PRKCA: variants seen among roughly 807,000 people sequenced by gnomAD.
The protein encoded by PRKCA is protein kinase C alpha type.
In PRKCA, 27 loss-of-function variants were observed where a neutral mutation model predicts 87.0. That is an observed-to-expected ratio of 0.31 (90% CI 0.23 to 0.43). The LOEUF (loss-of-function observed/expected upper bound fraction) is 0.43. Ranked by LOEUF, PRKCA falls within the 20% of genes least tolerant of loss-of-function variation. PRKCA has a pLI of 1.00. For synonymous variants in PRKCA, 329 were observed against 311.1 expected (o/e 1.06, Z -0.61); for missense variants, 518 against 852.3 (o/e 0.61, Z 4.88).
In PRKCA at chr17:66,585,071, G is replaced by C. The variant is rs553294719; in HGVS notation, c.289-56284G>C. On this transcript the variant is annotated intron_variant, in intron 3 of 16. Coordinates refer to ENST00000413366, the MANE Select transcript of PRKCA (RefSeq NM_002737.3). ...CCATGGTGAAATGCATGGGGAGGGG[G>C]GGGTGGTGGTTAATAGATGAGCGTG... 7.6e-4 allele frequency among the ~76,000 whole-genome samples: 116 copies of C among 151,988 alleles called. 1 individual carries two copies. The highest frequency in any genetic ancestry group is 2.6e-3 in the African/African-American group (109 of 41,456).
At chr17:66,463,044 T>G (rs1223431925) in intron 2 of PRKCA, among the ~76,000 whole-genome samples, 1 of 152,130 alleles carries the variant, frequency 6.6e-6, no homozygotes, top group East Asian at 1.9e-4. Flanking sequence ...CCAGAGAGGT[T>G]GGCTTACCCG....
Position 66,788,943 on chromosome 17 carries a change from G to A in PRKCA, c.1818G>A (p.Glu606=). The change falls in exon 16 of 17, where the codon GAG becomes GAA. Residue 606 remains glutamate (E), a synonymous_variant. Transcript: ENST00000413366. The part of the protein sequence containing the change: ...FFRRIDWEKL[E]NREIQPPFKP... The stretch of plus-strand genomic sequence containing the variant: ...GGAGGATCGACTGGGAAAAACTGGA[G>A]AACAGGGAGATCCAGCCACCATTCA... 6.2e-6 allele frequency: 10 copies of A among 1,614,182 alleles called. No individual in the cohort carries two copies. Among genetic ancestry groups the A allele is most frequent in the Non-Finnish European group, 8.5e-6 (10 of 1,180,016 alleles).
intron 2 of PRKCA, among the ~76,000 whole-genome samples, chr17:66,406,235 A>G (rs73333315): frequency 0.016 from 2,490 of 152,296 alleles, 72 homozygotes; most frequent in African/African-American, 0.056. Flanking sequence ...CTCCCATTAA[A>G]GAACGGGGTG....
intron 2 of PRKCA, among the ~76,000 whole-genome samples, chr17:66,466,408 C>T (rs772526456): frequency 3.3e-5 from 5 of 152,158 alleles, no homozygotes; most frequent in Non-Finnish European, 7.4e-5. Context: ...TCACAAGCCA[C>T]GGGCCTTGGG....
At chr17:66,556,250 A>T (rs1281500891) in intron 3 of PRKCA, among the ~76,000 whole-genome samples, 1 of 151,138 alleles carries the variant, frequency 6.6e-6, no homozygotes, top group Non-Finnish European at 1.5e-5. Context: ...TAAAATATGC[A>T]TTTGTACCTG....
intron 5 of PRKCA, among the ~76,000 whole-genome samples, chr17:66,662,862 C>T (rs1180847001): frequency 6.6e-6 from 1 of 152,160 alleles, no homozygotes; most frequent in Non-Finnish European, 1.5e-5. Flanking sequence ...GTTCCAGAGA[C>T]AGATACTGAT....
intron 2 of PRKCA, among the ~76,000 whole-genome samples, chr17:66,327,366 C>CAA (rs769256839): frequency 7.5e-4 from 60 of 79,960 alleles, no homozygotes; most frequent in African/African-American, 3.1e-3. Context: ...AACTCTGTCT[C>CAA]AAAAAAAAAA....
intron 3 of PRKCA, among the ~76,000 whole-genome samples, chr17:66,596,024 C>G (rs774456961): frequency 6.6e-6 from 1 of 152,096 alleles, no homozygotes; most frequent in Non-Finnish European, 1.5e-5. Flanking sequence ...GGTGGTGGGT[C>G]GCCTCAGGCC....
At chr17:66,565,852 G>A (rs1317327179) in intron 3 of PRKCA, among the ~76,000 whole-genome samples, 3 of 152,014 alleles carry the variant, frequency 2.0e-5, no homozygotes, top group Non-Finnish European at 4.4e-5. Flanking sequence ...TACCCACTAT[G>A]TATATTCATT....
intron 8 of PRKCA, among the ~76,000 whole-genome samples, chr17:66,731,250 A>G (rs1033009775): frequency 2.0e-4 from 31 of 151,682 alleles, no homozygotes; most frequent in African/African-American, 7.5e-4. Context: ...AGGCTGAGGC[A>G]GGAGAATCGC....
intron 3 of PRKCA, among the ~76,000 whole-genome samples, chr17:66,522,326 T>G (rs1452375645): frequency 6.6e-6 from 1 of 152,216 alleles, no homozygotes; most frequent in Non-Finnish European, 1.5e-5. Context: ...TCTTGCAGTT[T>G]CTATGTTTAT....
intron 14 of PRKCA, among the ~76,000 whole-genome samples, chr17:66,786,045 G>A (rs1205646674): frequency 6.6e-6 from 1 of 152,170 alleles, no homozygotes; most frequent in African/African-American, 2.4e-5. Context: ...AGCCAGGATG[G>A]TCTCGATCAC....
chr17:66,782,387 C>A (rs1189490005), intron 14 of PRKCA, among the ~76,000 whole-genome samples: 1 of 152,110 alleles, frequency 6.6e-6, no homozygotes, highest in Admixed American at 6.5e-5. Context: ...GGAGGAGGCA[C>A]TTAACTACTC....
At chr17:66,760,090 A>C (rs888975155) in intron 13 of PRKCA, among the ~76,000 whole-genome samples, 1 of 152,238 alleles carries the variant, frequency 6.6e-6, no homozygotes, top group Non-Finnish European at 1.5e-5. Flanking sequence ...TTCATCCAAC[A>C]ACAGCAGAAT....
At chr17:66,483,202 C>T (rs1915857820) in intron 2 of PRKCA, among the ~76,000 whole-genome samples, 1 of 152,126 alleles carries the variant, frequency 6.6e-6, no homozygotes, top group Admixed American at 6.6e-5. Context: ...AACAAATTAC[C>T]ACAAACCGGG....
rs138497041 is a variant in PRKCA at position 66,638,365 on chromosome 17, T to C, written c.289-2990T>C. ...ATCACGTGCAAATATGTGAACTGTT[T>C]CATATAAAAAAAAATCTGAGGTCTG... On this transcript the variant is annotated intron_variant, in intron 3 of 16. Coordinates refer to ENST00000413366, the MANE Select transcript of PRKCA (RefSeq NM_002737.3). 2.0e-5 allele frequency: 3 copies of C among 152,116 alleles called. No individual in the cohort carries two copies. In the East Asian group the frequency reaches 5.8e-4, roughly 29 times the overall value. The allele number at this position is 152,116 out of a possible 1,614,324, so 9.4% of individuals were successfully genotyped here.
chr17:66,377,587 A>G (rs1046265708), intron 2 of PRKCA, among the ~76,000 whole-genome samples: 1 of 146,736 alleles, frequency 6.8e-6, no homozygotes, highest in African/African-American at 2.5e-5. Context: ...TATATTACAT[A>G]TATGTCTATA....
At chr17:66,492,860 TG>T (rs1267429488) in intron 2 of PRKCA, among the ~76,000 whole-genome samples, 6 of 152,216 alleles carry the variant, frequency 3.9e-5, no homozygotes, top group Non-Finnish European at 8.8e-5. Context: ...CTGTGCTGCC[TG>T]GGCAGCCAAG....
chr17:66,397,969 T>G (rs1352738356), intron 2 of PRKCA: 4 of 152,204 alleles, frequency 2.6e-5, no homozygotes, highest in African/African-American at 9.7e-5. Context: ...GGAGCTGGCA[T>G]CTACCATCAC....
Sources: allele counts gnomAD v4.1 joint callset (sites outside exome capture counted in the v4.1 genomes callset), GRCh38; gene constraint gnomAD v4.1.1; transcripts MANE v1.5; gene names NCBI Gene and HGNC (gene_info 2026-07-23, HGNC 2026-07-21).